Variants in RBBP4 observed in about 807,000 individuals in gnomAD.
RBBP4 encodes the protein histone-binding protein RBBP4.
Under a neutral mutation model 57.2 loss-of-function variants are expected in RBBP4, and 3 were observed. That is an observed-to-expected ratio of 0.05 (90% CI 0.02 to 0.14). The LOEUF is 0.14. Ranked by LOEUF, RBBP4 falls within the 10% of genes least tolerant of loss-of-function variation. The pLI, the probability that RBBP4 is intolerant of heterozygous loss-of-function variation, is 1.00. For missense variants in RBBP4, 107 were observed against 520.6 expected, an observed-to-expected ratio of 0.21 and a Z score of 7.73; for synonymous variants, 151 against 171.5, an observed-to-expected ratio of 0.88 and a Z score of 0.93.
Position 32,672,912 on chromosome 1 carries a change from A to G in RBBP4, c.1212+11A>G. 3 of 1,588,080 alleles carry G rather than the reference A, an allele frequency of 1.9e-6. No homozygotes were observed. The highest frequency in any genetic ancestry group is 2.6e-6 in the Non-Finnish European group (3 of 1,158,400). On this transcript the variant is annotated intron_variant, in intron 11 of 11. Coordinates refer to ENST00000373493, the MANE Select transcript of RBBP4 (RefSeq NM_005610.3). ...CAAGTGTGGCAAATGGTAAGGGTTT[A>G]GTAATTTATTTTGGGGAGGTGAAAT...
At chr1:32,674,524 GC>G (rs1383157596) in intron 11 of RBBP4, among the ~76,000 whole-genome samples, 4 of 148,602 alleles carry the variant, frequency 2.7e-5, no homozygotes, top group Non-Finnish European at 6.0e-5. Context: ...CTGCCCACCC[GC>G]CCCCCACTTT....
intron 11 of RBBP4, among the ~76,000 whole-genome samples, chr1:32,677,494 C>A (rs796890222): frequency 4.8e-5 from 7 of 146,540 alleles, no homozygotes; most frequent in East Asian, 4.5e-4. Flanking sequence ...AAACAAAAAA[C>A]AAACAAAAAA....
rs552676483 is a variant in RBBP4, at chr1:32,684,332, C to T, written c.*4627C>T. 1.9e-6 allele frequency: 3 copies of T among 1,614,192 alleles called. No homozygotes were observed. Among genetic ancestry groups the T allele is most frequent in the Non-Finnish European group, 2.5e-6 (3 of 1,180,038 alleles). ...CTTTGTTCTTCTGTTGCTGGAGTTG[C>T]ACCCCATTTCTTAACTGCCTCTGGC... On this transcript the variant is annotated 3_prime_UTR_variant, in exon 12 of 12. Coordinates refer to ENST00000373493, the MANE Select transcript of RBBP4 (RefSeq NM_005610.3).
intron 11 of RBBP4, 116 bp from the exon 12 acceptor site, chr1:32,679,524 G>T: frequency 1.2e-6 from 1 of 857,604 alleles, no homozygotes. Flanking sequence ...CACAGATTGT[G>T]TGGCCCAAAA....
chr1:32,679,623 T>G lies in RBBP4; in HGVS notation c.1213-17T>G. 1.3e-6 allele frequency: 2 copies of G among 1,562,634 alleles called. No individual in the cohort carries two copies. Among genetic ancestry groups the G allele is most frequent in the Non-Finnish European group, 1.7e-6 (2 of 1,162,574 alleles). On this transcript the variant is annotated splice_polypyrimidine_tract_variant and intron_variant, in intron 11 of 11. Transcript: ENST00000373493. ...AGAAGTCTTCATGTTTAAATTCTTT[T>G]TCTTGTTTTTGGGCAGGCAGAGAAC...
intron 4 of RBBP4, 56 bp downstream of exon 4, chr1:32,668,454 C>T: frequency 6.8e-7 from 1 of 1,467,816 alleles, no homozygotes. Flanking sequence ...TACATGGTTC[C>T]ACTCACTGTG....
intron 2 of RBBP4, among the ~76,000 whole-genome samples, chr1:32,656,193 AT>A (rs982218693): frequency 6.6e-6 from 1 of 151,718 alleles, no homozygotes; most frequent in African/African-American, 2.4e-5. Context: ...TCTTTTATTT[AT>A]TTTTTTCTTT....
Position 32,684,356 on chromosome 1 carries a change from G to A in RBBP4, c.*4651G>A, listed in dbSNP as rs752610030. The A allele has an allele frequency of 1.4e-5, 22 of 1,613,956 alleles. No individual in the cohort carries two copies. Among genetic ancestry groups the A allele is most frequent in the Non-Finnish European group, 1.9e-5 (22 of 1,180,026 alleles). ...GCACCCCATTTCTTAACTGCCTCTG[G>A]CGTTCTTCCATTTCCTCCAGCTGTT... is the stretch of plus-strand genomic sequence containing the variant. On this transcript the variant is annotated 3_prime_UTR_variant, in exon 12 of 12. Coordinates refer to ENST00000373493, the MANE Select transcript of RBBP4 (RefSeq NM_005610.3).
At chr1:32,676,554 G>A (rs1649107891) in intron 11 of RBBP4, among the ~76,000 whole-genome samples, 1 of 150,888 alleles carries the variant, frequency 6.6e-6, no homozygotes, top group Admixed American at 6.6e-5. Context: ...AGGAGTTGCG[G>A]TGAGCCAAGA....
Position 32,679,945 on chromosome 1 carries a change from T to TA in RBBP4, c.*243dup. ...CAGGAATTTTCTAGTAACCCAGGTC[T>TA]AAAGTAGCTACAGAAAGGGGAATAT... On this transcript the variant is annotated 3_prime_UTR_variant, in exon 12 of 12. Transcript: ENST00000373493. The TA allele has an allele frequency of 7.8e-7, 1 of 1,289,218 alleles. No homozygotes were observed. Among genetic ancestry groups the TA allele is most frequent in the Non-Finnish European group, 9.8e-7 (1 of 1,021,096 alleles). The allele number at this position is 1,289,218 out of a possible 1,614,324, so 79.9% of individuals were successfully genotyped here.
At chr1:32,659,591 C>T (rs1648313066) in intron 3 of RBBP4, among the ~76,000 whole-genome samples, 1 of 151,022 alleles carries the variant, frequency 6.6e-6, no homozygotes, top group South Asian at 2.1e-4. Context: ...AAAAACCTTT[C>T]CCCTGGATAT....
At position 32,680,216 on chromosome 1, in the gene RBBP4, T is replaced by C; in HGVS notation, c.*511T>C. ...TTTTCATACGTAGACCAGTTTCCTCTTGGTTTCTTCAGTTAAGTCAAAACA... is the reference window on the plus strand; with the variant it reads ...TTTTCATACGTAGACCAGTTTCCTCCTGGTTTCTTCAGTTAAGTCAAAACA... On this transcript the variant is annotated 3_prime_UTR_variant, in exon 12 of 12. Transcript: ENST00000373493. The C allele has an allele frequency of 8.8e-7, 1 of 1,133,910 alleles. No homozygotes were observed. The highest frequency in any genetic ancestry group is 5.1e-5 in the East Asian group (1 of 19,558). 70.2% of individuals were successfully genotyped at this position (1,133,910 alleles called of 1,614,324 possible).
chr1:32,680,759 A>G lies in RBBP4; in HGVS notation c.*1054A>G, dbSNP rs1014076883. ...CAGTTGTTGTCCATGGTCTTTGACT[A>G]TCAAGAGCAGAATTAAATGTAATAG... is the stretch of plus-strand genomic sequence containing the variant. On this transcript the variant is annotated 3_prime_UTR_variant, in exon 12 of 12. Transcript: ENST00000373493. 1.4e-5 allele frequency: 7 copies of G among 504,412 alleles called. No individual in the cohort carries two copies. The allele number at this position is 504,412 out of a possible 1,614,324, so 31.2% of individuals were successfully genotyped here.
At chr1:32,675,422 T>TC (rs1405971745) in intron 11 of RBBP4, among the ~76,000 whole-genome samples, 1 of 152,112 alleles carries the variant, frequency 6.6e-6, no homozygotes, top group Non-Finnish European at 1.5e-5. Flanking sequence ...ACTTTTTTTT[T>TC]CTTTTACCTC....
intron 11 of RBBP4, among the ~76,000 whole-genome samples, chr1:32,675,738 T>C (rs1452197195): frequency 1.3e-5 from 2 of 151,912 alleles, no homozygotes; most frequent in African/African-American, 4.8e-5. Context: ...CACTGCACTC[T>C]AGCCTGGGTG....
chr1:32,675,636 G>GC (rs746114195), intron 11 of RBBP4, among the ~76,000 whole-genome samples: 1 of 151,886 alleles, frequency 6.6e-6, no homozygotes, highest in East Asian at 2.0e-4. Flanking sequence ...GGGCGTGGTG[G>GC]CGGGCGCCTG....
chr1:32,656,786 C>T (rs901014947), intron 2 of RBBP4, among the ~76,000 whole-genome samples: 3 of 152,102 alleles, frequency 2.0e-5, no homozygotes, highest in Non-Finnish European at 2.9e-5. Flanking sequence ...ACTCTTCTTT[C>T]CCTTTTTTCA....
rs1648197904 is a variant in RBBP4 at position 32,657,586 on chromosome 1, A to C, written c.310+14A>C. 1 of 1,612,310 alleles carries C rather than the reference A, an allele frequency of 6.2e-7. No homozygotes were observed. The highest frequency in any genetic ancestry group is 1.7e-5 in the Admixed American group (1 of 59,754). ...GTGAGAAAGGAGGTAGGAATCTTAA[A>C]GGTGAAAGAAGTAAAGATGTGTGGG... On this transcript the variant is annotated intron_variant, in intron 3 of 11. Transcript: ENST00000373493.
intron 8 of RBBP4, among the ~76,000 whole-genome samples, chr1:32,670,567 A>ATTT (rs34886799): frequency 6.6e-6 from 1 of 151,146 alleles, no homozygotes; most frequent in Non-Finnish European, 1.5e-5. Context: ...CAATTTTTTT[A>ATTT]TTTTTTTTTA....
Sources: gnomAD v4.1 joint callset for allele counts (sites outside exome capture counted in the v4.1 genomes callset) on GRCh38, gnomAD v4.1.1 for gene constraint, MANE v1.5 for transcripts, NCBI Gene and HGNC (gene_info 2026-07-23, HGNC 2026-07-21) for gene names.